Variants in DERA observed in about 807,000 individuals in gnomAD.
DERA encodes 2-deoxy-D-ribose 5-phosphate aldolase.
Under a neutral mutation model 41.1 loss-of-function variants are expected in DERA, and 15 were observed. The ratio of observed to expected loss-of-function variants is 0.37; its 90% CI spans 0.24 to 0.56. The LOEUF is 0.56. Among genes scored for constraint, DERA ranks in the 20% least tolerant of loss-of-function variants. DERA has a pLI of 0.81. For synonymous variants in DERA, 139 were observed against 137.4 expected (o/e 1.01, Z -0.08); for missense variants, 396 against 403.4 (o/e 0.98, Z 0.16).
chr12:15,923,243 C>T (rs557113439), intron 1 of DERA, among the ~76,000 whole-genome samples: 76 of 151,680 alleles, frequency 5.0e-4, no homozygotes, highest in African/African-American at 1.7e-3. Flanking sequence ...GGGATGGTCT[C>T]GATCTCCTGA....
intron 1 of DERA, among the ~76,000 whole-genome samples, chr12:15,919,970 A>ATGTGTGTG (rs10523539): frequency 3.5e-4 from 52 of 148,264 alleles, no homozygotes; most frequent in African/African-American, 1.3e-3. Flanking sequence ...TGAGAAAGAA[A>ATGTGTGTG]TGTGTGTGTG....
rs1050322151 is a variant in DERA, at chr12:16,021,593, G to C, written c.638-10949G>C. On this transcript the variant is annotated intron_variant, in intron 6 of 8. Coordinates refer to ENST00000428559, the MANE Select transcript of DERA (RefSeq NM_015954.4). This position sits in a 1 kb window ranked among gnomAD's most constrained non-coding sequence, Gnocchi z 5.3. Reference sequence around the variant, plus strand: ...CCACTCTCCAGACCCCAGAATGGTAGAGCCACCAGCAGTTTGCAACTACCA... The same window carrying C: ...CCACTCTCCAGACCCCAGAATGGTACAGCCACCAGCAGTTTGCAACTACCA... Among the ~76,000 whole-genome samples the C allele has an allele frequency of 1.3e-5, 2 of 152,204 alleles. No homozygotes were observed. Among genetic ancestry groups the C allele is most frequent in the Non-Finnish European group, 2.9e-5 (2 of 68,032 alleles).
At position 15,931,044 on chromosome 12, in the gene DERA, A is replaced by G. The variant is rs1194044249; in HGVS notation, c.31+19630A>G. Among the ~76,000 whole-genome samples the G allele has an allele frequency of 6.6e-6, 1 of 152,222 alleles. No individual in the cohort carries two copies. The highest frequency in any genetic ancestry group is 1.5e-5 in the Non-Finnish European group (1 of 68,030). The stretch of plus-strand genomic sequence containing the variant: ...AGCTTAATATACTTATTTAAATTTA[A>G]ATGAAATAGTTTTCAAATTGTTTTA... On this transcript the variant is annotated intron_variant, in intron 1 of 8. Coordinates refer to ENST00000428559, the MANE Select transcript of DERA (RefSeq NM_015954.4). This position sits in a 1 kb window ranked among gnomAD's most constrained non-coding sequence, Gnocchi z 4.6.
chr12:15,923,858 T>C (rs1351798373), intron 1 of DERA, among the ~76,000 whole-genome samples: 8 of 152,240 alleles, frequency 5.3e-5, no homozygotes, highest in Non-Finnish European at 8.8e-5. Context: ...GGAAAATCCA[T>C]ATTTGGTTAA....
intron 1 of DERA, among the ~76,000 whole-genome samples, chr12:15,955,065 C>T (rs1431608480): frequency 1.3e-5 from 2 of 151,642 alleles, no homozygotes; most frequent in East Asian, 1.9e-4. Flanking sequence ...TTTAGGAGGG[C>T]GAGGCAGGTA....
At chr12:15,962,722 C>A in intron 4 of DERA, 91 bp from the exon 5 acceptor site, 1 of 1,091,950 alleles carries the variant, frequency 9.2e-7, no homozygotes, top group Non-Finnish European at 1.3e-6. Context: ...CTACTACTGA[C>A]CAATTGAAAT....
At position 16,010,567 on chromosome 12, in the gene DERA, G is replaced by C. The variant is rs943708906; in HGVS notation, c.638-21975G>C. Among the ~76,000 whole-genome samples the C allele has an allele frequency of 6.6e-6, 1 of 151,636 alleles. No individual in the cohort carries two copies. Among genetic ancestry groups the C allele is most frequent in the Admixed American group, 6.6e-5 (1 of 15,210 alleles). On this transcript the variant is annotated intron_variant, in intron 6 of 8. Transcript: ENST00000428559. The surrounding 1 kb of genome is among the most constrained non-coding windows in gnomAD (Gnocchi z 5.5). ...GAAAAGGAATAAAGATAAAAATGAA[G>C]GCGTGACTAGTTGAAAAATAGAGAC...
chr12:15,923,595 G>C (rs562638301), intron 1 of DERA, among the ~76,000 whole-genome samples: 1 of 152,022 alleles, frequency 6.6e-6, no homozygotes, highest in South Asian at 2.1e-4. Context: ...TAGATCTTAA[G>C]TCAAGGTCTC....
rs533956763 is a variant in DERA, at chr12:15,918,381, C to T, written c.31+6967C>T. Reference sequence around the variant, plus strand: ...GCTCCCGCTTTGTGCAGATCCCCTCCTTGTTCTGATTGGACTCTGGGCTAC... The same window carrying T: ...GCTCCCGCTTTGTGCAGATCCCCTCTTTGTTCTGATTGGACTCTGGGCTAC... On this transcript the variant is annotated intron_variant, in intron 1 of 8. Coordinates refer to ENST00000428559, the MANE Select transcript of DERA (RefSeq NM_015954.4). The surrounding 1 kb of genome is among the most constrained non-coding windows in gnomAD (Gnocchi z 4.3). Among the ~76,000 whole-genome samples, 14 of 152,214 alleles carry T rather than the reference C, an allele frequency of 9.2e-5. No homozygotes were observed. Among genetic ancestry groups the T allele is most frequent in the Admixed American group, 2.6e-4 (4 of 15,300 alleles).
rs1949003454 is a variant in DERA at position 16,019,248 on chromosome 12, T to C, written c.638-13294T>C. Among the ~76,000 whole-genome samples the C allele has an allele frequency of 6.6e-6, 1 of 152,220 alleles. No homozygotes were observed. Among genetic ancestry groups the C allele is most frequent in the Non-Finnish European group, 1.5e-5 (1 of 68,030 alleles). The stretch of plus-strand genomic sequence containing the variant: ...GTAATGATGTACTTTCTAAAATATT[T>C]TGTGTAATTAAAGCTAGGTCTTATT... On this transcript the variant is annotated intron_variant, in intron 6 of 8. Transcript: ENST00000428559. This position sits in a 1 kb window ranked among gnomAD's most constrained non-coding sequence, Gnocchi z 4.4.
At position 16,013,463 on chromosome 12, in the gene DERA, T is replaced by C. The variant is rs1948960031; in HGVS notation, c.638-19079T>C. Among the ~76,000 whole-genome samples, 1 of 152,196 alleles carries C rather than the reference T, an allele frequency of 6.6e-6. No individual in the cohort carries two copies. The highest frequency in any genetic ancestry group is 1.5e-5 in the Non-Finnish European group (1 of 68,036). ...TTCTCCTACCTTTGCTCGGCACTTC[T>C]TGCTGCTGCCTTGTGAAGAAGGTGC... On this transcript the variant is annotated intron_variant, in intron 6 of 8. Transcript: ENST00000428559. This position sits in a 1 kb window ranked among gnomAD's most constrained non-coding sequence, Gnocchi z 5.8.
chr12:15,963,491 A>T (rs1018810293), intron 5 of DERA, among the ~76,000 whole-genome samples: 3 of 152,218 alleles, frequency 2.0e-5, no homozygotes, highest in African/African-American at 7.2e-5. Context: ...ACGTCAGCAT[A>T]CACTAAGACA....
At position 16,017,061 on chromosome 12, in the gene DERA, C is replaced by G. The variant is rs1315090820; in HGVS notation, c.638-15481C>G. Among the ~76,000 whole-genome samples the G allele has an allele frequency of 6.6e-6, 1 of 152,126 alleles. No homozygotes were observed. Among genetic ancestry groups the G allele is most frequent in the Admixed American group, 6.5e-5 (1 of 15,274 alleles). On this transcript the variant is annotated intron_variant, in intron 6 of 8. Transcript: ENST00000428559. The surrounding 1 kb of genome is among the most constrained non-coding windows in gnomAD (Gnocchi z 5.5). ...TGCAGAATCTTCTCCTAGTCAGTAACCAAGGATTATACAGTCAGAGTCCCC... is the reference window on the plus strand; with the variant it reads ...TGCAGAATCTTCTCCTAGTCAGTAAGCAAGGATTATACAGTCAGAGTCCCC...
At chr12:15,944,374 A>G (rs1288268744) in intron 1 of DERA, among the ~76,000 whole-genome samples, 1 of 152,168 alleles carries the variant, frequency 6.6e-6, no homozygotes, top group Non-Finnish European at 1.5e-5. Flanking sequence ...ATTTCTCCAC[A>G]TCCTCTCCAG....
At chr12:16,029,771 T>C (rs905172651) in intron 6 of DERA, among the ~76,000 whole-genome samples, 2 of 149,882 alleles carry the variant, frequency 1.3e-5, no homozygotes, top group African/African-American at 2.4e-5. Flanking sequence ...TAGTAGATCT[T>C]CTGCTTTGCT....
chr12:16,028,222 T>A (rs1195208005), intron 6 of DERA, among the ~76,000 whole-genome samples: 1 of 152,152 alleles, frequency 6.6e-6, no homozygotes. Flanking sequence ...CCTGAGCATC[T>A]TCTAGTCTCA....
chr12:15,954,690 A>C lies in DERA; in HGVS notation c.32-2246A>C, dbSNP rs1483745666. On this transcript the variant is annotated intron_variant, in intron 1 of 8. Transcript: ENST00000428559. The surrounding 1 kb of genome is among the most constrained non-coding windows in gnomAD (Gnocchi z 4.0). The stretch of plus-strand genomic sequence containing the variant: ...GAATGAGGAAGGAGCCAGATGGTGA[A>C]GGAAGAGGCTTGTGTTTGCCTGAGA... Among the ~76,000 whole-genome samples, 1 of 152,126 alleles carries C rather than the reference A, an allele frequency of 6.6e-6. No homozygotes were observed. The highest frequency in any genetic ancestry group is 1.9e-4 in the East Asian group (1 of 5,180).
At chr12:15,926,843 C>T (rs1454257770) in intron 1 of DERA, among the ~76,000 whole-genome samples, 1 of 151,500 alleles carries the variant, frequency 6.6e-6, no homozygotes, top group Non-Finnish European at 1.5e-5. Context: ...CAGCTTTCAA[C>T]AACTGGAATT....
chr12:15,947,529 C>A (rs571425496), intron 1 of DERA, among the ~76,000 whole-genome samples: 4 of 152,120 alleles, frequency 2.6e-5, no homozygotes, highest in African/African-American at 4.8e-5. Context: ...AGGATTGCAA[C>A]CCCTGCCTTT....
Sources: gnomAD v4.1 joint callset for allele counts (sites outside exome capture counted in the v4.1 genomes callset) on GRCh38, gnomAD v4.1.1 for gene constraint, Gnocchi (gnomAD v3.1) non-coding constraint, MANE v1.5 for transcripts, NCBI Gene and HGNC (gene_info 2026-07-23, HGNC 2026-07-21) for gene names.